CADM2: variants seen among roughly 807,000 people sequenced by gnomAD.
CADM2 encodes cell adhesion molecule 2.
A neutral mutation model predicts 49.8 loss-of-function variants in CADM2; 12 were observed. The observed-to-expected ratio is 0.24, with a 90% confidence interval of 0.15 to 0.39. The LOEUF is 0.39. Among genes scored for constraint, CADM2 ranks in the 10% least tolerant of loss-of-function variants. The probability of loss-of-function intolerance (pLI) is 1.00; values close to 1 mark genes in which losing one functional copy is unlikely to be tolerated. For synonymous variants in CADM2, 214 were observed against 175.4 expected, an observed-to-expected ratio of 1.22 and a Z score of -1.74; for missense variants, 378 against 492.3, an observed-to-expected ratio of 0.77 and a Z score of 2.20.
chr3:85,801,987 T>TGG, intron 2 of CADM2, 60 bp from the exon 3 acceptor site: 2 of 1,229,358 alleles, frequency 1.6e-6, no homozygotes, highest in Non-Finnish European at 2.1e-6. Context: ...GTGTAGATCT[T>TGG]AGGCAGTTAA....
chr3:85,886,798 G>T (rs1713719725), intron 5 of CADM2, among the ~76,000 whole-genome samples: 1 of 151,906 alleles, frequency 6.6e-6, no homozygotes, highest in African/African-American at 2.4e-5. Flanking sequence ...TCTCACAAAA[G>T]GCAAAAATGT....
chr3:85,415,643 C>A (rs1159886401), intron 1 of CADM2, among the ~76,000 whole-genome samples: 1 of 152,066 alleles, frequency 6.6e-6, no homozygotes, highest in Non-Finnish European at 1.5e-5. Flanking sequence ...ACAAGATTTT[C>A]CTAACATTGC....
At chr3:85,099,421 A>C (rs982797326) in intron 1 of CADM2, among the ~76,000 whole-genome samples, 2 of 152,148 alleles carry the variant, frequency 1.3e-5, no homozygotes, top group Admixed American at 6.6e-5. Context: ...ACTTACTTAT[A>C]AGTTCTCCCT....
At chr3:85,381,160 T>A (rs1158755498) in intron 1 of CADM2, among the ~76,000 whole-genome samples, 1 of 151,960 alleles carries the variant, frequency 6.6e-6, no homozygotes, top group East Asian at 1.9e-4. Flanking sequence ...AGAAGTGATA[T>A]AAAGCATGCA....
intron 6 of CADM2, among the ~76,000 whole-genome samples, chr3:85,927,325 A>G (rs1207004896): frequency 6.6e-6 from 1 of 152,178 alleles, no homozygotes; most frequent in Non-Finnish European, 1.5e-5. Context: ...ATAAAAGATG[A>G]TCTCTGCTTT....
At chr3:85,856,275 C>T (rs539136391) in intron 3 of CADM2, among the ~76,000 whole-genome samples, 10 of 152,214 alleles carry the variant, frequency 6.6e-5, no homozygotes, top group Admixed American at 1.3e-4. Flanking sequence ...TTTGAGAAAT[C>T]TATGTTAATC....
At chr3:85,707,027 C>T (rs555125548) in intron 1 of CADM2, among the ~76,000 whole-genome samples, 4 of 152,098 alleles carry the variant, frequency 2.6e-5, no homozygotes, top group African/African-American at 7.2e-5. Flanking sequence ...AGTGCAGTGG[C>T]GAAATCATGG....
chr3:85,759,252 T>C (rs533255021), intron 2 of CADM2, among the ~76,000 whole-genome samples: 1 of 152,098 alleles, frequency 6.6e-6, no homozygotes, highest in African/African-American at 2.4e-5. Flanking sequence ...CTAGTTCTCT[T>C]CTGCATTACC....
intron 1 of CADM2, among the ~76,000 whole-genome samples, chr3:85,430,009 G>A (rs578086811): frequency 2.0e-5 from 3 of 152,198 alleles, no homozygotes; most frequent in East Asian, 3.9e-4. Flanking sequence ...TGTAAATAAC[G>A]GGATTAGATG....
intron 8 of CADM2, chr3:86,014,570 A>C: frequency 6.3e-7 from 1 of 1,597,316 alleles, no homozygotes; most frequent in Non-Finnish European, 8.6e-7. Context: ...AAGAAACACT[A>C]AGTGTCCCAA....
At chr3:85,128,740 A>T (rs1440457870) in intron 1 of CADM2, among the ~76,000 whole-genome samples, 1 of 152,194 alleles carries the variant, frequency 6.6e-6, no homozygotes, top group East Asian at 1.9e-4. Context: ...GGTTAAATAA[A>T]CATGTTAAGG....
At chr3:85,586,456 A>G (rs1242274560) in intron 1 of CADM2, among the ~76,000 whole-genome samples, 1 of 152,134 alleles carries the variant, frequency 6.6e-6, no homozygotes, top group Non-Finnish European at 1.5e-5. Context: ...AGGAAAAATA[A>G]AATGATAATT....
intron 1 of CADM2, among the ~76,000 whole-genome samples, chr3:85,010,656 T>C (rs2033942513): frequency 6.6e-6 from 1 of 151,810 alleles, no homozygotes; most frequent in Non-Finnish European, 1.5e-5. Context: ...TTGCCTGGGC[T>C]TTACTTAAAC....
intron 1 of CADM2, among the ~76,000 whole-genome samples, chr3:85,420,084 G>C (rs916227185): frequency 6.6e-6 from 1 of 152,190 alleles, no homozygotes; most frequent in Non-Finnish European, 1.5e-5. Context: ...AGTGGGGAGA[G>C]ATTCCAGTTA....
At chr3:85,048,179 T>G (rs942166941) in intron 1 of CADM2, among the ~76,000 whole-genome samples, 4 of 152,156 alleles carry the variant, frequency 2.6e-5, no homozygotes, top group Non-Finnish European at 5.9e-5. Context: ...ACAAATAAAG[T>G]AGTACATTAT....
intron 1 of CADM2, among the ~76,000 whole-genome samples, chr3:85,625,222 G>A (rs7643091): frequency 0.25 from 38,122 of 151,768 alleles, 4,912 homozygotes; most frequent in South Asian, 0.28. Flanking sequence ...CAAATTCTTA[G>A]TCTAACTTAA....
chr3:85,978,735 A>G (rs1727102674), intron 8 of CADM2, among the ~76,000 whole-genome samples: 1 of 151,664 alleles, frequency 6.6e-6, no homozygotes, highest in South Asian at 2.1e-4. Context: ...GCATTTACAC[A>G]TTGATCGTTA....
chr3:85,370,362 C>T (rs1576433912), intron 1 of CADM2, among the ~76,000 whole-genome samples: 1 of 151,664 alleles, frequency 6.6e-6, no homozygotes, highest in Non-Finnish European at 1.5e-5. Flanking sequence ...GGGGAGGTGG[C>T]ATTGAGCCAA....
At chr3:85,918,395 G>A (rs1718662616) in intron 6 of CADM2, among the ~76,000 whole-genome samples, 1 of 152,118 alleles carries the variant, frequency 6.6e-6, no homozygotes, top group Non-Finnish European at 1.5e-5. Context: ...GGCCTTTTCA[G>A]CATCTATTGA....
Sources: allele counts gnomAD v4.1 joint callset (sites outside exome capture counted in the v4.1 genomes callset), GRCh38; gene constraint gnomAD v4.1.1; transcripts MANE v1.5; gene names NCBI Gene and HGNC (gene_info 2026-07-23, HGNC 2026-07-21).